Variants in MCPH1 observed in about 807,000 individuals in gnomAD.
MCPH1 encodes microcephalin.
MCPH1 carries 104 observed loss-of-function variants against 84.5 expected under a neutral mutation model. The observed-to-expected ratio is 1.23, with a 90% CI of 1.05 to 1.45. The LOEUF (loss-of-function observed/expected upper bound fraction) is 1.45, where lower values mean the gene tolerates loss of function less well. Ranked by LOEUF, MCPH1 falls within the 40% of genes most tolerant of loss-of-function variation. The probability of loss-of-function intolerance (pLI) is 0.00; values close to 1 mark genes in which losing one functional copy is unlikely to be tolerated. For missense variants in MCPH1, 1,498 were observed against 1,005.7 expected, an observed-to-expected ratio of 1.49 and a Z score of -6.62; for synonymous variants, 514 against 366.8, an observed-to-expected ratio of 1.40 and a Z score of -4.58.
chr8:6,406,648 G>T lies in MCPH1; in HGVS notation c.-20G>T, dbSNP rs370540097. 4.2e-5 allele frequency: 68 copies of T among 1,611,302 alleles called. No individual in the cohort carries two copies. Among genetic ancestry groups the T allele is most frequent in the Non-Finnish European group, 5.6e-5 (66 of 1,179,340 alleles). On this transcript the variant is annotated 5_prime_UTR_variant, in exon 1 of 14. Transcript: ENST00000344683. Reference sequence around the variant, plus strand: ...TCGCAAGCACCGCGTAGGCCAGCTGGCCGGATCCCGCCGTCTGTCATGGCG... The same window carrying T: ...TCGCAAGCACCGCGTAGGCCAGCTGTCCGGATCCCGCCGTCTGTCATGGCG...
intron 12 of MCPH1, among the ~76,000 whole-genome samples, chr8:6,547,080 C>T (rs530542962): frequency 2.2e-4 from 33 of 152,014 alleles, no homozygotes; most frequent in Admixed American, 6.5e-4. Flanking sequence ...CGGGCTAATG[C>T]GTTTTTGGAA....
At chr8:6,630,735 T>C (rs1219593385) in intron 13 of MCPH1, among the ~76,000 whole-genome samples, 2 of 148,652 alleles carry the variant, frequency 1.3e-5, no homozygotes, top group East Asian at 2.0e-4. Context: ...GAGCCGAGAC[T>C]GTGCCATTGC....
chr8:6,614,891 C>T (rs1830650526), intron 12 of MCPH1, among the ~76,000 whole-genome samples: 1 of 152,072 alleles, frequency 6.6e-6, no homozygotes, highest in Admixed American at 6.5e-5. Context: ...CATACCCCAC[C>T]CTACTCCATC....
At chr8:6,521,981 T>C (rs957648907) in intron 12 of MCPH1, among the ~76,000 whole-genome samples, 2 of 152,212 alleles carry the variant, frequency 1.3e-5, no homozygotes, top group African/African-American at 4.8e-5. Flanking sequence ...TTAGTCACCC[T>C]ATGCGTTAAT....
intron 12 of MCPH1, among the ~76,000 whole-genome samples, chr8:6,554,287 G>A (rs1563117635): frequency 6.7e-6 from 1 of 148,394 alleles, no homozygotes; most frequent in Non-Finnish European, 1.5e-5. Flanking sequence ...GACCCTACAA[G>A]ATCTGGATTT....
rs1798053289 is a variant in MCPH1, at chr8:6,643,308, A to T, written c.*259A>T. The stretch of plus-strand genomic sequence containing the variant: ...GAGACGGAGTCCTGCCCTGTTTCCC[A>T]GGCTGGAGTGCAATGGCACAATCTC... On this transcript the variant is annotated 3_prime_UTR_variant, in exon 14 of 14. Coordinates refer to ENST00000344683, the MANE Select transcript of MCPH1 (RefSeq NM_024596.5). 2.1e-6 allele frequency: 1 copy of T among 474,152 alleles called. No individual in the cohort carries two copies. 29.4% of individuals were successfully genotyped at this position (474,152 alleles called of 1,614,324 possible).
In MCPH1 at chr8:6,444,421, A is replaced by G. The variant is rs1308473568; in HGVS notation, c.699A>G (p.Ser233=). 2 of 1,614,064 alleles carry G rather than the reference A, an allele frequency of 1.2e-6. No homozygotes were observed. Among genetic ancestry groups the G allele is most frequent in the Non-Finnish European group, 1.7e-6 (2 of 1,180,016 alleles). Residue 233 remains serine, a synonymous_variant, in exon 8 of 14, where the codon TCA becomes TCG. Coordinates refer to ENST00000344683, the MANE Select transcript of MCPH1 (RefSeq NM_024596.5). ...AATACTTTGCTGGTGGCTTACACTCATCTTTTGATGATCTTTGTGGAAACT... is the reference window on the plus strand; with the variant it reads ...AATACTTTGCTGGTGGCTTACACTCGTCTTTTGATGATCTTTGTGGAAACT... ...SDEYFAGGLH[S]SFDDLCGNSG...
At chr8:6,564,396 G>C (rs1825962220) in intron 12 of MCPH1, among the ~76,000 whole-genome samples, 1 of 152,130 alleles carries the variant, frequency 6.6e-6, no homozygotes, top group Admixed American at 6.5e-5. Flanking sequence ...TTTTAATTAA[G>C]CTCTAATGTC....
In MCPH1 at chr8:6,458,487, GAA is replaced by G. The variant is rs558051124; in HGVS notation, c.1935+3245_1935+3246del. ...ACTCCTTCTCAAAAAAAAAAAAAAAGAAAAAAAAAAATTCCTGATTTGTTTGC... is the reference window on the plus strand; with the variant it reads ...ACTCCTTCTCAAAAAAAAAAAAAAAGAAAAAAAAATTCCTGATTTGTTTGC... On this transcript the variant is annotated intron_variant, in intron 9 of 13. Transcript: ENST00000344683. Among the ~76,000 whole-genome samples the G allele has an allele frequency of 3.3e-4, 47 of 140,700 alleles. No individual in the cohort carries two copies. The South Asian group carries it at 7.7e-3, about 23-fold the overall frequency. The allele number at this position is 140,700 out of a possible 152,430, so 92.3% of individuals were successfully genotyped here. A position where few individuals can be genotyped will look rare whatever the true frequency, so the allele number is the denominator to read the frequency against.
At chr8:6,539,150 G>T (rs1016063246) in intron 12 of MCPH1, among the ~76,000 whole-genome samples, 1 of 152,210 alleles carries the variant, frequency 6.6e-6, no homozygotes, top group African/African-American at 2.4e-5. Context: ...TGCGGATTTT[G>T]GGCAGCACTT....
rs533944279 is a variant in MCPH1 at position 6,464,633 on chromosome 8, G to A, written c.1935+9381G>A. Among the ~76,000 whole-genome samples, 15 of 152,320 alleles carry A rather than the reference G, an allele frequency of 9.8e-5. No individual in the cohort carries two copies. The South Asian group carries it at 2.1e-3, about 21-fold the overall frequency. On this transcript the variant is annotated intron_variant, in intron 9 of 13. Coordinates refer to ENST00000344683, the MANE Select transcript of MCPH1 (RefSeq NM_024596.5). ...TGGCCACGTAAAGGTAGAGGCCACC[G>A]ACGGAGGACATTTCCCACTGGGAGA...
chr8:6,534,413 G>T (rs997946573), intron 12 of MCPH1, among the ~76,000 whole-genome samples: 4 of 152,058 alleles, frequency 2.6e-5, no homozygotes, highest in Non-Finnish European at 5.9e-5. Flanking sequence ...GTATTCTCGG[G>T]AATCTTGGAA....
chr8:6,432,140 A>T (rs538026000), intron 4 of MCPH1, among the ~76,000 whole-genome samples: 2 of 152,308 alleles, frequency 1.3e-5, no homozygotes, highest in East Asian at 3.9e-4. Context: ...ATACCTAAGA[A>T]AGAATTGTTT....
intron 12 of MCPH1, among the ~76,000 whole-genome samples, chr8:6,572,093 C>T (rs561259048): frequency 2.0e-5 from 3 of 151,732 alleles, no homozygotes; most frequent in Admixed American, 1.3e-4. Flanking sequence ...AGTCAAAGAC[C>T]GACTGATACA....
chr8:6,496,946 A>C (rs1401040223), intron 11 of MCPH1, among the ~76,000 whole-genome samples: 3 of 151,956 alleles, frequency 2.0e-5, no homozygotes, highest in African/African-American at 7.3e-5. Flanking sequence ...TCCCTCTTTA[A>C]ATTTTTTTTG....
intron 12 of MCPH1, among the ~76,000 whole-genome samples, chr8:6,568,839 G>A (rs906029087): frequency 5.3e-5 from 8 of 152,208 alleles, no homozygotes; most frequent in Admixed American, 2.0e-4. Context: ...CCTTGGAGGC[G>A]GTGACTGCTG....
At chr8:6,514,148 C>A (rs1815756418) in intron 12 of MCPH1, among the ~76,000 whole-genome samples, 2 of 152,136 alleles carry the variant, frequency 1.3e-5, no homozygotes, top group South Asian at 4.1e-4. Context: ...AAACAGTCGG[C>A]TTACCAAAAA....
intron 12 of MCPH1, among the ~76,000 whole-genome samples, chr8:6,557,679 ATG>A (rs1197962316): frequency 6.2e-5 from 6 of 97,140 alleles, no homozygotes; most frequent in African/African-American, 1.8e-4. Context: ...TATGATATAT[ATG>A]TGTGTGTACA....
In MCPH1 at chr8:6,645,810, A is replaced by G. The variant is rs1243321109; in HGVS notation, c.*2761A>G. 1.3e-5 allele frequency: 2 copies of G among 152,162 alleles called. No individual in the cohort carries two copies. The highest frequency in any genetic ancestry group is 2.9e-5 in the Non-Finnish European group (2 of 68,016). 9.4% of individuals were successfully genotyped at this position (152,162 alleles called of 1,614,324 possible). On this transcript the variant is annotated 3_prime_UTR_variant, in exon 14 of 14. Coordinates refer to ENST00000344683, the MANE Select transcript of MCPH1 (RefSeq NM_024596.5). ...CTAAAAATAAACAAAATAGGAATAG[A>G]CTTGGCAACAGTTGTAACATCTGTA...
Sources: gnomAD v4.1 joint callset for allele counts (sites outside exome capture counted in the v4.1 genomes callset) on GRCh38, gnomAD v4.1.1 for gene constraint, MANE v1.5 for transcripts, NCBI Gene and HGNC (gene_info 2026-07-23, HGNC 2026-07-21) for gene names.